MROH6: variants seen among roughly 807,000 people sequenced by gnomAD.
The protein encoded by MROH6 is maestro heat like repeat family member 6.
Under a neutral mutation model 67.7 loss-of-function variants are expected in MROH6, and 62 were observed. That is an observed-to-expected ratio of 0.92 (90% CI 0.75 to 1.13). MROH6 has a LOEUF of 1.13. Among genes scored for constraint, MROH6 ranks in the 50% most tolerant of loss-of-function variants. MROH6 has a pLI of 0.00. For synonymous variants in MROH6, 566 were observed against 470.8 expected, an observed-to-expected ratio of 1.20 and a Z score of -2.62; for missense variants, 1,175 against 1,029.1, an observed-to-expected ratio of 1.14 and a Z score of -1.94.
In MROH6 at chr8:143,571,665, A is replaced by AC; in HGVS notation, c.602+1dup. ...ACCGCAGGGCCAGGACGGTTGGGTT[A>AC]CCGATCGGCGGGCAGAGAGCGGGGT... On this transcript the variant is annotated splice_donor_variant, in intron 3 of 13. Transcript: ENST00000398882. LOFTEE classifies it high-confidence loss of function. 6.4e-7 allele frequency: 1 copy of AC among 1,561,406 alleles called. No individual in the cohort carries two copies. Among genetic ancestry groups the AC allele is most frequent in the Non-Finnish European group, 8.7e-7 (1 of 1,153,546 alleles).
In MROH6 at chr8:143,567,412, CGT is replaced by C; in HGVS notation, c.1985_1986del (p.His662ArgfsTer77). ...AGCATCGCCACCTGCTGAGCGGACACGTGCGCTGCCGCGGCCACAGCCGGCTT... is the reference window on the plus strand; with the variant it reads ...AGCATCGCCACCTGCTGAGCGGACACGCGCTGCCGCGGCCACAGCCGGCTT... ...DPKPAVAAAAHVSAQQVAMLA... is the reference protein window; with the variant it reads ...DPKPAVAAAAXVSAQQVAMLA... On this transcript the variant is annotated frameshift_variant, in exon 14 of 14. Coordinates refer to ENST00000398882, the MANE Select transcript of MROH6 (RefSeq NM_001100878.2). LOFTEE classifies it low-confidence loss of function (END_TRUNC). 7.6e-7 allele frequency: 1 copy of C among 1,310,956 alleles called. No homozygotes were observed. The highest frequency in any genetic ancestry group is 9.7e-7 in the Non-Finnish European group (1 of 1,029,566). The allele number at this position is 1,310,956 out of a possible 1,614,324, so 81.2% of individuals were successfully genotyped here. A position where few individuals can be genotyped will look rare whatever the true frequency, so the allele number is the denominator to read the frequency against.
Position 143,569,845 on chromosome 8 carries a change from GC to G in MROH6, c.1159-6del. The G allele has an allele frequency of 6.2e-7, 1 of 1,610,824 alleles. No homozygotes were observed. ...GGTGGGCCGGCTCTGCAACAGCTAG[GC>G]GAGGCACATGGGGTCAGCACGCCCG... On this transcript the variant is annotated splice_polypyrimidine_tract_variant and splice_region_variant and intron_variant, in intron 7 of 13. Coordinates refer to ENST00000398882, the MANE Select transcript of MROH6 (RefSeq NM_001100878.2).
intron 7 of MROH6, 47 bp from the exon 8 acceptor site, chr8:143,569,887 C>G (rs1199091495): frequency 6.2e-7 from 1 of 1,610,160 alleles, no homozygotes; most frequent in Admixed American, 1.7e-5. Flanking sequence ...CCCGTGCAGG[C>G]CGCTGCGATT....
Position 143,567,363 on chromosome 8 carries a change from CG to C in MROH6, c.2035del (p.Arg679AlafsTer140). On this transcript the variant is annotated frameshift_variant, in exon 14 of 14. Coordinates refer to ENST00000398882, the MANE Select transcript of MROH6 (RefSeq NM_001100878.2). LOFTEE classifies it low-confidence loss of function (END_TRUNC). The stretch of plus-strand genomic sequence containing the variant: ...GGCGATGCGGAGAAGGCGGGGCCCG[CG>C]GGGGCAGCCCCGGGCACGGGCCAGC... ...AMLARARGCP[R>X]GPRLLRIAPR... 1 of 1,222,230 alleles carries C rather than the reference CG, an allele frequency of 8.2e-7. No homozygotes were observed. Among genetic ancestry groups the C allele is most frequent in the Non-Finnish European group, 1.0e-6 (1 of 980,834 alleles). The allele number at this position is 1,222,230 out of a possible 1,614,324, so 75.7% of individuals were successfully genotyped here.
At chr8:143,570,130 T>C in intron 6 of MROH6, 65 bp from the exon 7 acceptor site, 1 of 1,575,658 alleles carries the variant, frequency 6.3e-7, no homozygotes. Context: ...GAAGACCCCA[T>C]CCCAACACCA....
At position 143,571,761 on chromosome 8, in the gene MROH6, A is replaced by G. The variant is rs1329384065; in HGVS notation, c.508T>C (p.Trp170Arg). ...QVPSLAEGRP[W>R]RAALRVLSAL... ...CTCAGCACTCGCAGGGCCGCCCTCC[A>G]GGGCCTCCCCTCCGCTAGGCTGGGC... The change falls in exon 3 of 14, where the codon TGG (tryptophan) becomes CGG (arginine). Residue 170 changes from tryptophan (W) to arginine (R), a missense_variant. Physicochemically the swap from Trp to Arg is moderately radical, Grantham distance 101. Transcript: ENST00000398882. The G allele has an allele frequency of 6.5e-7, 1 of 1,548,738 alleles. No homozygotes were observed. Among genetic ancestry groups the G allele is most frequent in the South Asian group, 1.2e-5 (1 of 84,172 alleles).
In MROH6 at chr8:143,571,373, C is replaced by G. The variant is rs1370094516; in HGVS notation, c.602+294G>C. Among the ~76,000 whole-genome samples, 3 of 152,172 alleles carry G rather than the reference C, an allele frequency of 2.0e-5. No individual in the cohort carries two copies. In the East Asian group the frequency reaches 5.8e-4, roughly 29 times the overall value. Reference sequence around the variant, plus strand: ...GGCACGTTAGCCCCCCAGCCTCATTCACCCCACTCCGGAGCCAACCCCAGG... The same window carrying G: ...GGCACGTTAGCCCCCCAGCCTCATTGACCCCACTCCGGAGCCAACCCCAGG... On this transcript the variant is annotated intron_variant, in intron 3 of 13. Transcript: ENST00000398882.
chr8:143,567,996 G>A (rs1157597194), intron 11 of MROH6, 108 bp from the exon 12 acceptor site: 38 of 1,439,022 alleles, frequency 2.6e-5, no homozygotes, highest in Admixed American at 1.3e-4. Flanking sequence ...CCCAGGGCAG[G>A]TGGCATGGTC....
In MROH6 at chr8:143,567,787, T is replaced by C. The variant is rs777066833; in HGVS notation, c.1866A>G (p.Ile622Met). The change falls in exon 12 of 14, where the codon ATA (isoleucine) becomes ATG (methionine). Residue 622 changes from isoleucine (I) to methionine (M), a missense_variant and splice_region_variant. Physicochemically the swap from Ile to Met is conservative, Grantham distance 10. Transcript: ENST00000398882. Reference sequence around the variant, plus strand: ...CAGTGTGACCCCGGGCGGCCTCACCTATAAGCACGGCGGCTGCCCGGCGCA... The same window carrying C: ...CAGTGTGACCCCGGGCGGCCTCACCCATAAGCACGGCGGCTGCCCGGCGCA... Reference protein sequence around the residue: ...DPLRRAAAVLIGFLVHHASPG... With the variant: ...DPLRRAAAVLMGFLVHHASPG... The C allele has an allele frequency of 2.6e-6, 4 of 1,557,304 alleles. No individual in the cohort carries two copies. In the South Asian group the frequency reaches 4.8e-5, roughly 19 times the overall value.
chr8:143,568,034 G>A (rs1330882590), intron 11 of MROH6, 108 bp downstream of exon 11: 6 of 1,478,864 alleles, frequency 4.1e-6, no homozygotes, highest in Admixed American at 4.3e-5. Flanking sequence ...CCCACCAGTA[G>A]CCTATCTGGT....
chr8:143,571,700 C>G lies in MROH6; in HGVS notation c.569G>C (p.Cys190Ser). ...LALEHARDVV[C>S]ALLPRSLPAD... is the part of the protein sequence containing the mutation. ...GGGCAGAGAGCGGGGTAGCAGCGCA[C>G]ACACCACGTCCCGCGCATGCTCCAG... The change falls in exon 3 of 14, where the codon TGT becomes TCT. Residue 190 changes from cysteine to serine, a missense_variant. Coordinates refer to ENST00000398882, the MANE Select transcript of MROH6 (RefSeq NM_001100878.2). 6.4e-7 allele frequency: 1 copy of G among 1,552,226 alleles called. No individual in the cohort carries two copies. The highest frequency in any genetic ancestry group is 8.7e-7 in the Non-Finnish European group (1 of 1,148,794).
At position 143,569,993 on chromosome 8, in the gene MROH6, C is replaced by A; in HGVS notation, c.1116G>T (p.Ala372=). 6.2e-7 allele frequency: 1 copy of A among 1,613,206 alleles called. No individual in the cohort carries two copies. The highest frequency in any genetic ancestry group is 2.2e-5 in the East Asian group (1 of 44,884). ...FADLLPRLRS[A]DDPQRLTAMA... ...TAGCCGTGAGACGCTGCGGGTCGTC[C>A]GCGCTGCGAAGCCGAGGGAGCAAGT... The change falls in exon 7 of 14, where the codon GCG becomes GCT. Residue 372 remains alanine (A), a synonymous_variant. Transcript: ENST00000398882.
At chr8:143,567,526 G>A in intron 13 of MROH6, 61 bp from the exon 14 acceptor site, 1 of 1,461,506 alleles carries the variant, frequency 6.8e-7, no homozygotes, top group South Asian at 1.4e-5. Context: ...CGGGCCCCTG[G>A]CCCTCCACCC....
At chr8:143,570,754 C>CA in intron 4 of MROH6, 97 bp from the exon 5 acceptor site, 1 of 1,443,290 alleles carries the variant, frequency 6.9e-7, no homozygotes, top group Non-Finnish European at 9.3e-7. Context: ...GGGACAGCCT[C>CA]AGACACGCAT....
At position 143,567,234 on chromosome 8, in the gene MROH6, G is replaced by A. The variant is rs1482628454; in HGVS notation, c.*5C>T. The A allele has an allele frequency of 1.6e-5, 19 of 1,219,422 alleles. No individual in the cohort carries two copies. The highest frequency in any genetic ancestry group is 8.2e-5 in the South Asian group (2 of 24,254). The allele number at this position is 1,219,422 out of a possible 1,614,324, so 75.5% of individuals were successfully genotyped here. ...ACCCTGGCCCTCGGGCCCCAGCCCCGAGCCTCAGGCTCGGCGGGGTCCGGA... is the reference window on the plus strand; with the variant it reads ...ACCCTGGCCCTCGGGCCCCAGCCCCAAGCCTCAGGCTCGGCGGGGTCCGGA... On this transcript the variant is annotated 3_prime_UTR_variant, in exon 14 of 14. Transcript: ENST00000398882.
chr8:143,568,906 G>T, intron 9 of MROH6, 187 bp from the exon 10 acceptor site: 1 of 531,756 alleles, frequency 1.9e-6, no homozygotes, highest in Admixed American at 3.7e-5. Flanking sequence ...CCTGCAGGGG[G>T]TGGGGCTTGA....
In MROH6 at chr8:143,571,711, C is replaced by T. The variant is rs1469983316; in HGVS notation, c.558G>A (p.Arg186=). 6.4e-7 allele frequency: 1 copy of T among 1,551,504 alleles called. No homozygotes were observed. Among genetic ancestry groups the T allele is most frequent in the East Asian group, 2.4e-5 (1 of 41,086 alleles). Residue 186 remains arginine (R), a synonymous_variant, in exon 3 of 14, where the codon CGG becomes CGA. Transcript: ENST00000398882. ...GGGGTAGCAGCGCACACACCACGTCCCGCGCATGCTCCAGGGCCAGTGCGC... is the reference window on the plus strand; with the variant it reads ...GGGGTAGCAGCGCACACACCACGTCTCGCGCATGCTCCAGGGCCAGTGCGC... ...VLSALALEHA[R]DVVCALLPRS...
At position 143,567,337 on chromosome 8, in the gene MROH6, G is replaced by C. The variant is rs1010234596; in HGVS notation, c.2062C>G (p.Pro688Ala). The C allele has an allele frequency of 7.4e-6, 9 of 1,219,896 alleles. No homozygotes were observed. In the African/African-American group the frequency reaches 1.4e-4, roughly 19 times the overall value. 75.6% of individuals were successfully genotyped at this position (1,219,896 alleles called of 1,614,324 possible). ...ACTGGTGGGGGCCGGGCGGGGCGCG[G>C]GGCGATGCGGAGAAGGCGGGGCCCG... is the stretch of plus-strand genomic sequence containing the variant. ...PRGPRLLRIA[P>A]RPARPPPVFA... Residue 688 changes from proline to alanine, a missense_variant, in exon 14 of 14, where the codon CCG (proline) becomes GCG (alanine). Pro to Ala is a conservative substitution (Grantham distance 27). Transcript: ENST00000398882.
At chr8:143,570,128 C>T in intron 6 of MROH6, 63 bp from the exon 7 acceptor site, 13 of 1,575,234 alleles carry the variant, frequency 8.3e-6, no homozygotes, top group Admixed American at 1.7e-5. Flanking sequence ...GAGAAGACCC[C>T]ATCCCAACAC....
Sources: allele counts gnomAD v4.1 joint callset (sites outside exome capture counted in the v4.1 genomes callset), GRCh38; gene constraint gnomAD v4.1.1; transcripts MANE v1.5; gene names NCBI Gene and HGNC (gene_info 2026-07-23, HGNC 2026-07-21).